Variants in GOLM2 observed in about 807,000 individuals in gnomAD.
GOLM2 encodes protein GOLM2.
Under a neutral mutation model 55.9 loss-of-function variants are expected in GOLM2, and 26 were observed. The ratio of observed to expected loss-of-function variants is 0.47; its 90% CI spans 0.34 to 0.65. The LOEUF (loss-of-function observed/expected upper bound fraction) is 0.65, where lower values mean the gene tolerates loss of function less well. GOLM2 is among the 30% of genes least tolerant of loss of function. GOLM2 has a pLI of 0.01. For missense variants in GOLM2, 486 were observed against 531.8 expected, an observed-to-expected ratio of 0.91 and a Z score of 0.85; for synonymous variants, 165 against 194.6, an observed-to-expected ratio of 0.85 and a Z score of 1.27.
At chr15:44,383,355 C>T (rs976160637) in intron 8 of GOLM2, among the ~76,000 whole-genome samples, 1 of 151,984 alleles carries the variant, frequency 6.6e-6, no homozygotes, top group Non-Finnish European at 1.5e-5. Context: ...AAGCACTTGA[C>T]TAGCTTTATA....
At chr15:44,321,619 G>T (rs919210147) in intron 1 of GOLM2, among the ~76,000 whole-genome samples, 2 of 152,146 alleles carry the variant, frequency 1.3e-5, no homozygotes, top group Non-Finnish European at 2.9e-5. Flanking sequence ...TTGTACCAAT[G>T]TCAGTTTCCT....
chr15:44,297,466 T>C (rs2078764022), intron 1 of GOLM2, among the ~76,000 whole-genome samples: 1 of 152,224 alleles, frequency 6.6e-6, no homozygotes, highest in Admixed American at 6.5e-5. Flanking sequence ...TGCCTTTCTG[T>C]GTCATGTTAA....
chr15:44,399,805 G>A (rs1478858007), intron 8 of GOLM2, among the ~76,000 whole-genome samples: 2 of 152,006 alleles, frequency 1.3e-5, no homozygotes, highest in African/African-American at 4.8e-5. Context: ...GACCAGCCTG[G>A]CCAACATGGT....
At chr15:44,379,638 T>TTTTTTG in intron 6 of GOLM2, 52 bp from the exon 7 acceptor site, 1 of 710,022 alleles carries the variant, frequency 1.4e-6, no homozygotes, top group Non-Finnish European at 2.3e-6. Flanking sequence ...TTTTTTTTTT[T>TTTTTTG]AGAAATCATA....
intron 6 of GOLM2, chr15:44,348,905 A>G (rs993222222): frequency 6.6e-6 from 1 of 152,392 alleles, no homozygotes; most frequent in African/African-American, 2.4e-5. Flanking sequence ...TGTCTCAAAA[A>G]AAGAAAAAAA....
intron 4 of GOLM2, among the ~76,000 whole-genome samples, chr15:44,334,329 T>C (rs985322190): frequency 4.6e-5 from 7 of 152,190 alleles, no homozygotes; most frequent in Admixed American, 6.5e-5. Flanking sequence ...CAATTTGAGT[T>C]TTCATAGAGA....
intron 9 of GOLM2, among the ~76,000 whole-genome samples, chr15:44,411,644 G>A (rs900812827): frequency 5.3e-5 from 8 of 151,838 alleles, no homozygotes; most frequent in East Asian, 1.9e-4. Context: ...GTTTGAGACC[G>A]GCCTGGCCAA....
rs187163053 is a variant in GOLM2 at position 44,327,771 on chromosome 15, T to C, written c.383-914T>C. ...CTAGAACATGTGTGGCTGGTGATTA[T>C]GGATTAAACATTTACAAACAAGTGT... On this transcript the variant is annotated intron_variant, in intron 2 of 9. Transcript: ENST00000299957. Among the ~76,000 whole-genome samples the C allele has an allele frequency of 4.5e-3, 678 of 152,328 alleles. 4 individuals are homozygous for C. The highest frequency in any genetic ancestry group is 0.016 in the African/African-American group (647 of 41,580).
At chr15:44,358,876 G>A (rs1481099374) in intron 6 of GOLM2, among the ~76,000 whole-genome samples, 1 of 152,168 alleles carries the variant, frequency 6.6e-6, no homozygotes, top group African/African-American at 2.4e-5. Flanking sequence ...GAAACTTCTG[G>A]CCGGGCACGG....
chr15:44,411,828 C>CAA (rs60534778), intron 9 of GOLM2, among the ~76,000 whole-genome samples: 849 of 68,310 alleles, frequency 0.012, 17 homozygotes, highest in African/African-American at 0.036. Flanking sequence ...GACTGCATCT[C>CAA]AAAAAAAAAA....
chr15:44,353,278 A>T (rs1224641531), intron 6 of GOLM2, among the ~76,000 whole-genome samples: 2 of 152,216 alleles, frequency 1.3e-5, no homozygotes, highest in Non-Finnish European at 2.9e-5. Flanking sequence ...ACCCTCATAC[A>T]CCATTGGTGG....
chr15:44,290,893 C>T (rs1157977648), intron 1 of GOLM2, among the ~76,000 whole-genome samples: 3 of 151,960 alleles, frequency 2.0e-5, no homozygotes, highest in African/African-American at 7.3e-5. Context: ...CCTCCGCCCC[C>T]CCGGGGTTCA....
chr15:44,390,867 C>T (rs1350357762), intron 8 of GOLM2, among the ~76,000 whole-genome samples: 3 of 152,168 alleles, frequency 2.0e-5, no homozygotes, highest in Non-Finnish European at 4.4e-5. Context: ...CCATGCTCAG[C>T]CCCCTTTTCT....
chr15:44,317,032 T>A (rs1271244718), intron 1 of GOLM2, among the ~76,000 whole-genome samples: 1 of 152,068 alleles, frequency 6.6e-6, no homozygotes, highest in Non-Finnish European at 1.5e-5. Context: ...CCATTAGAAT[T>A]TTTTTCCAAT....
intron 6 of GOLM2, among the ~76,000 whole-genome samples, chr15:44,346,655 T>C (rs568912105): frequency 1.1e-4 from 16 of 152,354 alleles, no homozygotes; most frequent in African/African-American, 3.6e-4. Context: ...ATTTTCATTA[T>C]TGTAGAAAGT....
rs1287495928 is a variant in GOLM2, at chr15:44,414,538, T to A, written c.*1132T>A. The A allele has an allele frequency of 1.3e-5, 2 of 152,254 alleles. No homozygotes were observed. Among genetic ancestry groups the A allele is most frequent in the Non-Finnish European group, 2.9e-5 (2 of 68,044 alleles). The allele number at this position is 152,254 out of a possible 1,614,324, so 9.4% of individuals were successfully genotyped here. A position where few individuals can be genotyped will look rare whatever the true frequency, so the allele number is the denominator to read the frequency against. ...GAGTTGAAGTTGGTGAAGACATTCA[T>A]GATTTAAACACCAGATCCTGAAAGG... On this transcript the variant is annotated 3_prime_UTR_variant, in exon 10 of 10. Transcript: ENST00000299957.
chr15:44,323,594 TTA>T (rs1220205138), intron 2 of GOLM2, among the ~76,000 whole-genome samples: 1 of 151,586 alleles, frequency 6.6e-6, no homozygotes, highest in Non-Finnish European at 1.5e-5. Context: ...TGCAATCTGC[TTA>T]TGTTACTTCA....
At chr15:44,359,766 T>C (rs572858322) in intron 6 of GOLM2, among the ~76,000 whole-genome samples, 1,705 of 152,070 alleles carry the variant, frequency 0.011, 39 homozygotes, top group African/African-American at 0.039. Flanking sequence ...TCACCAAAGT[T>C]GAAATGAAGG....
chr15:44,352,915 A>AAG, intron 6 of GOLM2, among the ~76,000 whole-genome samples: 1 of 151,964 alleles, frequency 6.6e-6, no homozygotes, highest in African/African-American at 2.4e-5. Flanking sequence ...TCAAAAAAAA[A>AAG]AAAAGAAAAG....
Sources: gnomAD v4.1 joint callset for allele counts (sites outside exome capture counted in the v4.1 genomes callset) on GRCh38, gnomAD v4.1.1 for gene constraint, MANE v1.5 for transcripts, NCBI Gene and HGNC (gene_info 2026-07-23, HGNC 2026-07-21) for gene names.